FAF1: variants seen among roughly 807,000 people sequenced by gnomAD.
FAF1 encodes FAS-associated factor 1.
In FAF1, 25 loss-of-function variants were observed where a neutral mutation model predicts 92.5. The ratio of observed to expected loss-of-function variants is 0.27; its 90% confidence interval spans 0.20 to 0.38. The LOEUF (loss-of-function observed/expected upper bound fraction) is 0.38, where lower values mean the gene tolerates loss of function less well. FAF1 is among the 10% of genes least tolerant of loss of function. The probability of loss-of-function intolerance (pLI) is 1.00; values close to 1 mark genes in which losing one functional copy is unlikely to be tolerated. For synonymous variants in FAF1, 234 were observed against 273.2 expected (o/e 0.86, Z 1.42); for missense variants, 636 against 793.3 (o/e 0.80, Z 2.38).
At chr1:50,511,959 T>C (rs893751386) in intron 15 of FAF1, among the ~76,000 whole-genome samples, 2 of 152,250 alleles carry the variant, frequency 1.3e-5, no homozygotes, top group Non-Finnish European at 2.9e-5. Flanking sequence ...AGATGGTATC[T>C]CACTGTGGTG....
rs878969208 is a variant in FAF1, at chr1:50,738,819, C to T, written c.551+44G>A. On this transcript the variant is annotated intron_variant, in intron 6 of 18. Transcript: ENST00000396153. ...ATACAACTTAAAGCAATTTTAACAA[C>T]TGAGTTTTTCATTTCATGTTCCCAG... 9.2e-5 allele frequency: 119 copies of T among 1,295,750 alleles called. 1 individual carries two copies. The South Asian group carries it at 1.3e-3, about 15-fold the overall frequency. The allele number at this position is 1,295,750 out of a possible 1,614,324, so 80.3% of individuals were successfully genotyped here.
chr1:50,873,941 G>A (rs904975369), intron 1 of FAF1, among the ~76,000 whole-genome samples: 4 of 152,120 alleles, frequency 2.6e-5, no homozygotes, highest in African/African-American at 9.7e-5. Context: ...TCATCTCCAG[G>A]CATAAGACCA....
chr1:50,817,173 T>G (rs1253338628), intron 2 of FAF1, among the ~76,000 whole-genome samples: 1 of 152,188 alleles, frequency 6.6e-6, no homozygotes, highest in African/African-American at 2.4e-5. Context: ...ATAAAAGAGA[T>G]AATCTTACAC....
intron 1 of FAF1, among the ~76,000 whole-genome samples, chr1:50,913,928 G>A (rs1301884108): frequency 6.6e-6 from 1 of 152,060 alleles, no homozygotes; most frequent in Non-Finnish European, 1.5e-5. Context: ...GGTTTTTCAG[G>A]TATCCTACCA....
intron 15 of FAF1, among the ~76,000 whole-genome samples, chr1:50,528,892 T>G (rs547926543): frequency 2.4e-4 from 36 of 152,340 alleles, no homozygotes; most frequent in African/African-American, 8.2e-4. Flanking sequence ...TTCCACTTAA[T>G]GAAGAGGCAA....
chr1:50,921,178 GC>G (rs1644959884), intron 1 of FAF1, among the ~76,000 whole-genome samples: 1 of 152,170 alleles, frequency 6.6e-6, no homozygotes, highest in South Asian at 2.1e-4. Flanking sequence ...GGCCCACCCT[GC>G]CCACAACCGC....
intron 18 of FAF1, among the ~76,000 whole-genome samples, chr1:50,448,781 T>C (rs1372685625): frequency 6.6e-6 from 1 of 152,190 alleles, no homozygotes; most frequent in Non-Finnish European, 1.5e-5. Flanking sequence ...CTGAGTGCTA[T>C]GTCTATCTTT....
chr1:50,639,489 T>C (rs1654217422), intron 8 of FAF1, among the ~76,000 whole-genome samples: 1 of 152,244 alleles, frequency 6.6e-6, no homozygotes, highest in African/African-American at 2.4e-5. Context: ...ATATGTTTTC[T>C]TAGTTTTGTT....
chr1:50,906,117 A>G (rs1311788273), intron 1 of FAF1, among the ~76,000 whole-genome samples: 1 of 152,140 alleles, frequency 6.6e-6, no homozygotes, highest in Admixed American at 6.5e-5. Context: ...TTTTCCCAGC[A>G]CCATTTATTA....
At chr1:50,667,988 T>C (rs1655707928) in intron 7 of FAF1, among the ~76,000 whole-genome samples, 1 of 152,258 alleles carries the variant, frequency 6.6e-6, no homozygotes, top group Non-Finnish European at 1.5e-5. Context: ...GGCCTTTGCC[T>C]TTCTCTGAGA....
intron 1 of FAF1, among the ~76,000 whole-genome samples, chr1:50,907,198 G>C (rs1644847158): frequency 6.6e-6 from 1 of 152,180 alleles, no homozygotes; most frequent in Admixed American, 6.5e-5. Flanking sequence ...ATTTGCGTAA[G>C]TTGAACCAGC....
chr1:50,769,483 C>T (rs1205673151), intron 4 of FAF1, among the ~76,000 whole-genome samples: 1 of 152,050 alleles, frequency 6.6e-6, no homozygotes, highest in African/African-American at 2.4e-5. Context: ...CTGGCAGAGA[C>T]ACAACAAAAA....
chr1:50,653,037 T>C (rs914940838), intron 8 of FAF1, among the ~76,000 whole-genome samples: 23 of 152,166 alleles, frequency 1.5e-4, no homozygotes, highest in Admixed American at 9.2e-4. Flanking sequence ...TCTTAGACAA[T>C]ACTGAGAACA....
chr1:50,661,569 T>C (rs1029770928), intron 7 of FAF1, among the ~76,000 whole-genome samples: 1 of 152,216 alleles, frequency 6.6e-6, no homozygotes, highest in African/African-American at 2.4e-5. Flanking sequence ...ACTCTGGTCA[T>C]ATGAAAACCT....
At chr1:50,788,466 T>C (rs1375268208) in intron 3 of FAF1, among the ~76,000 whole-genome samples, 2 of 152,370 alleles carry the variant, frequency 1.3e-5, no homozygotes, top group African/African-American at 2.4e-5. Context: ...GATTTTTACC[T>C]TGTGTTGTTA....
At chr1:50,556,238 C>CAAAAAAAA (rs34420030) in intron 13 of FAF1, among the ~76,000 whole-genome samples, 5 of 73,796 alleles carry the variant, frequency 6.8e-5, no homozygotes, top group Admixed American at 1.8e-4. Context: ...ACTCCATCTC[C>CAAAAAAAA]AAAAAAAAAA....
At chr1:50,842,641 C>T (rs1243757189) in intron 2 of FAF1, among the ~76,000 whole-genome samples, 1 of 151,890 alleles carries the variant, frequency 6.6e-6, no homozygotes, top group African/African-American at 2.4e-5. Flanking sequence ...AACACATTTG[C>T]TCTCACCTCA....
At chr1:50,778,746 G>A (rs1233391742) in intron 4 of FAF1, among the ~76,000 whole-genome samples, 1 of 152,008 alleles carries the variant, frequency 6.6e-6, no homozygotes, top group East Asian at 1.9e-4. Context: ...CTTGTGCCCA[G>A]GAGTTCAAGG....
At chr1:50,888,998 CT>C (rs1164010988) in intron 1 of FAF1, among the ~76,000 whole-genome samples, 1 of 152,224 alleles carries the variant, frequency 6.6e-6, no homozygotes, top group African/African-American at 2.4e-5. Context: ...TGGTCCCGGA[CT>C]TTTTTTGGTT....
Sources: allele counts gnomAD v4.1 joint callset (sites outside exome capture counted in the v4.1 genomes callset), GRCh38; gene constraint gnomAD v4.1.1; transcripts MANE v1.5; gene names NCBI Gene and HGNC (gene_info 2026-07-23, HGNC 2026-07-21).